The following ANKMY1 variants were observed in gnomAD, a reference collection of about 807,000 sequenced individuals.
ANKMY1 encodes ankyrin repeat and MYND domain containing 1.
ANKMY1 carries 98 observed loss-of-function variants against 102.0 expected under a neutral mutation model. The observed-to-expected ratio is 0.96, with a 90% confidence interval of 0.82 to 1.14. The LOEUF is 1.14. Among genes scored for constraint, ANKMY1 ranks in the 50% most tolerant of loss-of-function variants. ANKMY1 has a pLI of 0.00. For missense variants in ANKMY1, 1,330 were observed against 1,347.6 expected, an observed-to-expected ratio of 0.99 and a Z score of 0.20; for synonymous variants, 582 against 559.9, an observed-to-expected ratio of 1.04 and a Z score of -0.56.
At chr2:240,502,807 A>G (rs11686756) in intron 13 of ANKMY1, among the ~76,000 whole-genome samples, 85,825 of 122,066 alleles carry the variant, frequency 0.7, 30,090 homozygotes, top group East Asian at 0.82. Context: ...ACTCACCAAC[A>G]CTCTCCTCCA....
Position 240,529,179 on chromosome 2 carries a change from T to A in ANKMY1, c.811A>T (p.Met271Leu). The change falls in exon 5 of 18, where the codon ATG (methionine) becomes TTG (leucine). Residue 271 changes from methionine (M) to leucine (L), a missense_variant. Coordinates refer to ENST00000401804, the MANE Select transcript of ANKMY1 (RefSeq NM_001282771.3). This position sits in a 1 kb window ranked among gnomAD's most constrained non-coding sequence, Gnocchi z 4.2. ...VYSTNSDHLP[M>L]TSSFRKELDA... Reference sequence around the variant, plus strand: ...AGCTCTTTGCGGAAAGAGCTTGTCATGGGCAGGTGGTCACTGTTGGTCGAG... The same window carrying A: ...AGCTCTTTGCGGAAAGAGCTTGTCAAGGGCAGGTGGTCACTGTTGGTCGAG... 1 of 1,614,196 alleles carries A rather than the reference T, an allele frequency of 6.2e-7. No homozygotes were observed. The highest frequency in any genetic ancestry group is 8.5e-7 in the Non-Finnish European group (1 of 1,180,028).
Position 240,500,562 on chromosome 2 carries a change from C to G in ANKMY1, c.2530G>C (p.Asp844His), listed in dbSNP as rs558728055. Residue 844 changes from aspartate to histidine, a missense_variant, in exon 14 of 18, where the codon GAC (aspartate) becomes CAC (histidine). Coordinates refer to ENST00000401804, the MANE Select transcript of ANKMY1 (RefSeq NM_001282771.3). ...RNMDSKLALI[D>H]RLISHGADIL... ...TCGGCCCCGTGACTGATGAGTCGGT[C>G]AATCTGTGGAGAACAGAACCAGGTC... is the stretch of plus-strand genomic sequence containing the variant. 6.2e-7 allele frequency: 1 copy of G among 1,613,870 alleles called. No individual in the cohort carries two copies. Among genetic ancestry groups the G allele is most frequent in the South Asian group, 1.1e-5 (1 of 91,048 alleles).
chr2:240,499,839 AGCCCCAG>A lies in ANKMY1; in HGVS notation c.2806+112_2806+118del. The A allele has an allele frequency of 5.3e-6, 7 of 1,317,486 alleles. No homozygotes were observed. Among genetic ancestry groups the A allele is most frequent in the Admixed American group, 2.8e-5 (1 of 35,818 alleles). The allele number at this position is 1,317,486 out of a possible 1,614,324, so 81.6% of individuals were successfully genotyped here. The stretch of plus-strand genomic sequence containing the variant: ...ACAAAGGGGACAAGCCGACGAGCCC[AGCCCCAG>A]GAAGGCCCCTCCAAGAGCCCCAGGG... On this transcript the variant is annotated intron_variant, in intron 15 of 17. Transcript: ENST00000401804. The surrounding 1 kb of genome is among the most constrained non-coding windows in gnomAD (Gnocchi z 4.2).
the ANKMY1 span, among the ~76,000 whole-genome samples, chr2:240,469,130 C>A: frequency 1.3e-5 from 2 of 152,170 alleles, no homozygotes; most frequent in East Asian, 3.9e-4. Flanking sequence ...TTGGTCCAGC[C>A]GGCAGGATCT....
chr2:240,515,752 C>G (rs1006974786), intron 9 of ANKMY1, among the ~76,000 whole-genome samples: 1 of 151,988 alleles, frequency 6.6e-6, no homozygotes, highest in African/African-American at 2.4e-5. Context: ...TAGTCTCACA[C>G]CATTGCCCAG....
downstream of ANKMY1, among the ~76,000 whole-genome samples, chr2:240,477,003 G>A (rs1279596574): frequency 1.3e-5 from 2 of 152,336 alleles, no homozygotes; most frequent in Admixed American, 6.5e-5. Context: ...CCATCAGGAA[G>A]AGCAAACATC....
At position 240,554,870 on chromosome 2, in the gene ANKMY1, C is replaced by T. The variant is rs753034098; in HGVS notation, c.332G>A (p.Gly111Asp). Residue 111 changes from glycine (G) to aspartate (D), a missense_variant, in exon 3 of 18, where the codon GGC (glycine) becomes GAC (aspartate). Physicochemically the swap from Gly to Asp is moderately conservative, Grantham distance 94. Coordinates refer to ENST00000401804, the MANE Select transcript of ANKMY1 (RefSeq NM_001282771.3). ...LGYGKFSWPT[G>D]ESYHGQFYRD... ...AGAAAGTGTGGAAGCAGTTACCTCG[C>T]CTGTGGGCCAAGAGAATTTGCCATA... 3.1e-6 allele frequency: 5 copies of T among 1,614,130 alleles called. No homozygotes were observed. The highest frequency in any genetic ancestry group is 4.5e-5 in the East Asian group (2 of 44,888).
chr2:240,526,545 G>C, intron 5 of ANKMY1, 100 bp from the exon 6 acceptor site: 1 of 1,539,374 alleles, frequency 6.5e-7, no homozygotes, highest in Non-Finnish European at 8.7e-7. Context: ...TCTCCCTCTT[G>C]TGGCTCAGCC....
intron 8 of ANKMY1, chr2:240,521,968 G>A (rs1176220225): frequency 6.6e-6 from 1 of 152,236 alleles, no homozygotes; most frequent in Admixed American, 6.5e-5. Flanking sequence ...TGTGAAGACT[G>A]AAAGAACAAA....
chr2:240,468,949 G>C, the ANKMY1 span, among the ~76,000 whole-genome samples: 2 of 152,220 alleles, frequency 1.3e-5, no homozygotes, highest in Non-Finnish European at 1.5e-5. Flanking sequence ...GTCCTCACTT[G>C]CAGGCCCCTC....
At chr2:240,512,779 T>TA (rs1239600019) in intron 10 of ANKMY1, 23 bp downstream of exon 10, 1 of 1,606,434 alleles carries the variant, frequency 6.2e-7, no homozygotes, top group East Asian at 2.2e-5. Context: ...CCCATACCCC[T>TA]ATCCAGGTCG....
chr2:240,479,618 T>G lies in ANKMY1; in HGVS notation c.3084A>C (p.Glu1028Asp). The change falls in exon 18 of 18, where the codon GAA becomes GAC. Residue 1028 changes from glutamate (E) to aspartate (D), a missense_variant. Physicochemically the swap from Glu to Asp is conservative, Grantham distance 45. Transcript: ENST00000401804. ...QLEQVSRRRE[E>D]FQ The stretch of plus-strand genomic sequence containing the variant: ...ACGTGCAGCTGCTGCTTCACTGGAA[T>G]TCTTCTCTCCTCCTGGAAACTTGCT... 1 of 1,613,910 alleles carries G rather than the reference T, an allele frequency of 6.2e-7. No individual in the cohort carries two copies. Among genetic ancestry groups the G allele is most frequent in the Non-Finnish European group, 8.5e-7 (1 of 1,179,992 alleles).
At chr2:240,490,540 A>G (rs2076526376) in intron 15 of ANKMY1, among the ~76,000 whole-genome samples, 1 of 152,150 alleles carries the variant, frequency 6.6e-6, no homozygotes, top group Non-Finnish European at 1.5e-5. Flanking sequence ...ATTCAGAAGC[A>G]TGTTTAATTT....
At chr2:240,501,205 C>A (rs543777099) in intron 13 of ANKMY1, among the ~76,000 whole-genome samples, 7 of 151,738 alleles carry the variant, frequency 4.6e-5, no homozygotes, top group African/African-American at 1.7e-4. Flanking sequence ...AGTATGTGTG[C>A]GTGCATGCGT....
chr2:240,505,176 G>A (rs559972664), intron 13 of ANKMY1, among the ~76,000 whole-genome samples: 5 of 150,700 alleles, frequency 3.3e-5, no homozygotes, highest in Non-Finnish European at 5.9e-5. Context: ...AACATTAAAC[G>A]TATGGCCGGG....
chr2:240,560,421 A>G (rs187581090), upstream of ANKMY1: 1,823 of 351,606 alleles, frequency 5.2e-3, 9 homozygotes, highest in Admixed American at 9.1e-3. Flanking sequence ...GACAGAGAAC[A>G]TGGGACGCAG....
chr2:240,531,904 T>C (rs1201702683), intron 4 of ANKMY1, among the ~76,000 whole-genome samples: 1 of 152,180 alleles, frequency 6.6e-6, no homozygotes, highest in Non-Finnish European at 1.5e-5. Flanking sequence ...TCAATAAAAC[T>C]GACTAAAAAA....
chr2:240,529,228 C>T lies in ANKMY1; in HGVS notation c.762G>A (p.Thr254=), dbSNP rs758914465. 46 of 1,614,022 alleles carry T rather than the reference C, an allele frequency of 2.9e-5. No homozygotes were observed. Among genetic ancestry groups the T allele is most frequent in the East Asian group, 4.5e-5 (2 of 44,892 alleles). Reference sequence around the variant, plus strand: ...AGTAGACATACATTTCTGGAGGCAGCGTTAGGTTGTCATTCAGAAGAAACC... The same window carrying T: ...AGTAGACATACATTTCTGGAGGCAGTGTTAGGTTGTCATTCAGAAGAAACC... ...YKRFLLNDNL[T]LPPEMYVYST... Residue 254 remains threonine (T), a synonymous_variant, in exon 5 of 18, where the codon ACG becomes ACA. Coordinates refer to ENST00000401804, the MANE Select transcript of ANKMY1 (RefSeq NM_001282771.3). The surrounding 1 kb of genome is among the most constrained non-coding windows in gnomAD (Gnocchi z 4.2).
rs531580303 is a variant in ANKMY1, at chr2:240,500,393, G to A, written c.2640+59C>T. 9.8e-5 allele frequency: 148 copies of A among 1,505,090 alleles called. No homozygotes were observed. The African/African-American group carries it at 1.5e-3, about 15-fold the overall frequency. 93.2% of individuals were successfully genotyped at this position (1,505,090 alleles called of 1,614,324 possible). A position where few individuals can be genotyped will look rare whatever the true frequency, so the allele number is the denominator to read the frequency against. On this transcript the variant is annotated intron_variant, in intron 14 of 17. Transcript: ENST00000401804. ...CCCCAGAGAAGCTAATGCCCCAGCC[G>A]GGGGCCCTGCACGTGACCCACACTC... is the stretch of plus-strand genomic sequence containing the variant.
Sources: gnomAD v4.1 joint callset for allele counts (sites outside exome capture counted in the v4.1 genomes callset) on GRCh38, gnomAD v4.1.1 for gene constraint, Gnocchi (gnomAD v3.1) non-coding constraint, MANE v1.5 for transcripts, NCBI Gene and HGNC (gene_info 2026-07-23, HGNC 2026-07-21) for gene names.